The following LURAP1 variants were observed in gnomAD, a reference collection of about 807,000 sequenced individuals.
LURAP1 encodes NF-kappa-B activator C1orf190.
LURAP1 carries 14 observed loss-of-function variants against 19.0 expected under a neutral mutation model. That is an observed-to-expected ratio of 0.74 (90% CI 0.49 to 1.15). The LOEUF is 1.15. LURAP1 is among the 50% of genes most tolerant of loss of function. LURAP1 has a pLI of 0.00. For synonymous variants in LURAP1, 129 were observed against 131.8 expected, an observed-to-expected ratio of 0.98 and a Z score of 0.14; for missense variants, 273 against 309.1, an observed-to-expected ratio of 0.88 and a Z score of 0.87.
intron 1 of LURAP1, among the ~76,000 whole-genome samples, chr1:46,205,122 G>A (rs968034373): frequency 2.0e-5 from 3 of 152,150 alleles, no homozygotes; most frequent in Non-Finnish European, 4.4e-5. Flanking sequence ...GATGGGTGTT[G>A]TGGTGTGTGC....
chr1:46,217,702 C>A (rs749530473), intron 1 of LURAP1, among the ~76,000 whole-genome samples: 30 of 151,968 alleles, frequency 2.0e-4, no homozygotes, highest in Non-Finnish European at 4.3e-4. Flanking sequence ...ACTAAAAATA[C>A]AAAAATTAGC....
Position 46,203,377 on chromosome 1 carries a change from A to G in LURAP1, c.-50A>G. The G allele has an allele frequency of 7.0e-7, 1 of 1,424,952 alleles. No homozygotes were observed. Among genetic ancestry groups the G allele is most frequent in the Non-Finnish European group, 9.2e-7 (1 of 1,082,430 alleles). 88.3% of individuals were successfully genotyped at this position (1,424,952 alleles called of 1,614,324 possible). A position where few individuals can be genotyped will look rare whatever the true frequency, so the allele number is the denominator to read the frequency against. ...CAGCGGCGAAGGGAGGACCCCCGGG[A>G]GCCGGTCCCCGGCGTCCGGTCGCCC... On this transcript the variant is annotated 5_prime_UTR_variant, in exon 1 of 2. Coordinates refer to ENST00000371980, the MANE Select transcript of LURAP1 (RefSeq NM_001013615.3).
intron 1 of LURAP1, among the ~76,000 whole-genome samples, chr1:46,208,061 C>T (rs369602129): frequency 1.3e-5 from 2 of 151,340 alleles, no homozygotes; most frequent in African/African-American, 4.9e-5. Context: ...GGTTTCACCA[C>T]GTTGGCCAGG....
chr1:46,205,926 C>T (rs912440460), intron 1 of LURAP1, among the ~76,000 whole-genome samples: 1 of 152,234 alleles, frequency 6.6e-6, no homozygotes, highest in Non-Finnish European at 1.5e-5. Flanking sequence ...TTGTTCCTCT[C>T]CCAGCTCTCC....
At chr1:46,209,820 A>T (rs569175427) in intron 1 of LURAP1, among the ~76,000 whole-genome samples, 92 of 152,126 alleles carry the variant, frequency 6.0e-4, no homozygotes, top group African/African-American at 2.2e-3. Context: ...TGTAGATGTA[A>T]ATTTTGGAAA....
Position 46,219,790 on chromosome 1 carries a change from G to T in LURAP1, c.290G>T (p.Arg97Leu). The T allele has an allele frequency of 4.3e-6, 7 of 1,614,142 alleles. No homozygotes were observed. Among genetic ancestry groups the T allele is most frequent in the Non-Finnish European group, 5.1e-6 (6 of 1,180,024 alleles). Residue 97 changes from arginine to leucine, a missense_variant, in exon 2 of 2, where the codon CGG becomes CTG. Arg to Leu is a moderately radical substitution (Grantham distance 102). Coordinates refer to ENST00000371980, the MANE Select transcript of LURAP1 (RefSeq NM_001013615.3). Reference sequence around the variant, plus strand: ...GCAGTGCGCTGGCTGTTGGAGGAGCGGGGGACGTTGACCAGTCATTGCAGC... The same window carrying T: ...GCAGTGCGCTGGCTGTTGGAGGAGCTGGGGACGTTGACCAGTCATTGCAGC... ...IEAVRWLLEE[R>L]GTLTSHCSSL...
chr1:46,215,913 G>A (rs1310111676), intron 1 of LURAP1, among the ~76,000 whole-genome samples: 1 of 151,872 alleles, frequency 6.6e-6, no homozygotes, highest in Non-Finnish European at 1.5e-5. Context: ...AATAAAATAC[G>A]ACAATGGAAC....
chr1:46,216,339 C>T (rs1170389807), intron 1 of LURAP1, among the ~76,000 whole-genome samples: 1 of 151,870 alleles, frequency 6.6e-6, no homozygotes. Context: ...AGCCACCACG[C>T]TCGGCCCTAT....
At position 46,213,596 on chromosome 1, in the gene LURAP1, C is replaced by T. The variant is rs141816336; in HGVS notation, c.199-6103C>T. Among the ~76,000 whole-genome samples, 586 of 152,146 alleles carry T rather than the reference C, an allele frequency of 3.9e-3. 3 individuals carry two copies. The highest frequency in any genetic ancestry group is 0.013 in the African/African-American group (541 of 41,544). ...AAATACGGCCAGGCACAATGGCTTACGCCTGTAATCACAGCACTCTGGGAG... is the reference window on the plus strand; with the variant it reads ...AAATACGGCCAGGCACAATGGCTTATGCCTGTAATCACAGCACTCTGGGAG... On this transcript the variant is annotated intron_variant, in intron 1 of 1. Transcript: ENST00000371980.
At chr1:46,211,865 G>T (rs1658907800) in intron 1 of LURAP1, among the ~76,000 whole-genome samples, 1 of 152,090 alleles carries the variant, frequency 6.6e-6, no homozygotes, top group African/African-American at 2.4e-5. Context: ...CGGTTCAAGT[G>T]ATTCTCCTGC....
At chr1:46,218,335 A>G (rs188208442) in intron 1 of LURAP1, among the ~76,000 whole-genome samples, 5 of 152,340 alleles carry the variant, frequency 3.3e-5, no homozygotes, top group African/African-American at 1.2e-4. Context: ...GTAGTGAGCC[A>G]TGACTGTGCC....
At chr1:46,214,012 T>C (rs1233515184) in intron 1 of LURAP1, among the ~76,000 whole-genome samples, 1 of 152,122 alleles carries the variant, frequency 6.6e-6, no homozygotes, top group Non-Finnish European at 1.5e-5. Flanking sequence ...TTAAAGATGA[T>C]AGACATCTGA....
Position 46,207,084 on chromosome 1 carries a change from A to ATT in LURAP1, c.198+3472_198+3473dup, listed in dbSNP as rs56059506. 9.0e-4 allele frequency among the ~76,000 whole-genome samples: 129 copies of ATT among 143,986 alleles called. 2 individuals carry two copies. The Middle Eastern group carries it at 0.035, about 39-fold the overall frequency. The allele number at this position is 143,986 out of a possible 152,430, so 94.5% of individuals were successfully genotyped here. On this transcript the variant is annotated intron_variant, in intron 1 of 1. Coordinates refer to ENST00000371980, the MANE Select transcript of LURAP1 (RefSeq NM_001013615.3). ...CCTCTTTGTCTGGCTGAGTCCTTCT[A>ATT]TTTTTTTTTTTTTGACACAGGGTTT...
intron 1 of LURAP1, among the ~76,000 whole-genome samples, chr1:46,208,956 A>G (rs1658808385): frequency 6.6e-6 from 1 of 152,244 alleles, no homozygotes; most frequent in African/African-American, 2.4e-5. Flanking sequence ...CAGAAGGAAG[A>G]GTGGTAACTA....
chr1:46,209,885 A>G (rs958051950), intron 1 of LURAP1, among the ~76,000 whole-genome samples: 6 of 152,150 alleles, frequency 3.9e-5, no homozygotes, highest in East Asian at 1.9e-4. Context: ...GAGGGAGGGG[A>G]AAACAGCAGG....
At chr1:46,213,065 T>TAG in intron 1 of LURAP1, among the ~76,000 whole-genome samples, 1 of 152,250 alleles carries the variant, frequency 6.6e-6, no homozygotes, top group Admixed American at 6.5e-5. Flanking sequence ...TGATCAATGA[T>TAG]AGACTACATA....
At chr1:46,217,086 T>C (rs1659092930) in intron 1 of LURAP1, among the ~76,000 whole-genome samples, 2 of 151,926 alleles carry the variant, frequency 1.3e-5, no homozygotes, top group African/African-American at 4.8e-5. Flanking sequence ...TTCACCCAAA[T>C]GAAGGAGTAA....
At chr1:46,205,690 C>T (rs893141210) in intron 1 of LURAP1, among the ~76,000 whole-genome samples, 3 of 152,050 alleles carry the variant, frequency 2.0e-5, no homozygotes, top group Non-Finnish European at 2.9e-5. Context: ...TGAGGCTGCC[C>T]GAGAAAGGGC....
At chr1:46,204,111 A>C (rs1170434139) in intron 1 of LURAP1, among the ~76,000 whole-genome samples, 1 of 152,106 alleles carries the variant, frequency 6.6e-6, no homozygotes, top group African/African-American at 2.4e-5. Context: ...AACTACCTGG[A>C]CCAGGGGCAC....
Sources: gnomAD v4.1 joint callset for allele counts (sites outside exome capture counted in the v4.1 genomes callset) on GRCh38, gnomAD v4.1.1 for gene constraint, MANE v1.5 for transcripts, NCBI Gene and HGNC (gene_info 2026-07-23, HGNC 2026-07-21) for gene names.